The following PMFBP1 variants were observed in gnomAD, a reference collection of about 807,000 sequenced individuals.
PMFBP1 encodes polyamine-modulated factor 1-binding protein 1.
A neutral mutation model predicts 137.8 loss-of-function variants in PMFBP1; 131 were observed. The ratio of observed to expected loss-of-function variants is 0.95; its 90% CI spans 0.82 to 1.10. The LOEUF (loss-of-function observed/expected upper bound fraction) is 1.10. Among genes scored for constraint, PMFBP1 ranks in the 50% least tolerant of loss-of-function variants. The pLI is 0.00. For missense variants in PMFBP1, 1,199 were observed against 1,175.4 expected, an observed-to-expected ratio of 1.02 and a Z score of -0.29; for synonymous variants, 490 against 450.4, an observed-to-expected ratio of 1.09 and a Z score of -1.11.
At position 72,119,282 on chromosome 16, in the gene PMFBP1, T is replaced by C; in HGVS notation, c.*56A>G. On this transcript the variant is annotated 3_prime_UTR_variant, in exon 21 of 21. Transcript: ENST00000237353. ...TCAAGAGAGAGGGAGGGCTGGGAAC[T>C]CACTGTCCTCTGAAGAAACACCCGT... is the stretch of plus-strand genomic sequence containing the variant. 2 of 1,571,198 alleles carry C rather than the reference T, an allele frequency of 1.3e-6. No homozygotes were observed. The highest frequency in any genetic ancestry group is 1.8e-6 in the Non-Finnish European group (2 of 1,141,190).
upstream of PMFBP1, chr16:72,174,165 A>AT (rs984769744): frequency 6.6e-6 from 1 of 152,202 alleles, no homozygotes; most frequent in Non-Finnish European, 1.5e-5. Context: ...CACCTTGCAG[A>AT]TTCCCAAGAA....
chr16:72,184,113 G>T, the PMFBP1 span, among the ~76,000 whole-genome samples: 2 of 152,032 alleles, frequency 1.3e-5, no homozygotes, highest in African/African-American at 4.8e-5. Context: ...CGGCTCCTTC[G>T]CTTCCTTGGC....
At chr16:72,203,834 G>C in the PMFBP1 span, among the ~76,000 whole-genome samples, 3 of 152,148 alleles carry the variant, frequency 2.0e-5, no homozygotes, top group Non-Finnish European at 2.9e-5. Context: ...CCTTACGACT[G>C]ACCCTTAATC....
chr16:72,123,120 C>T (rs1025682378), intron 18 of PMFBP1, 132 bp from the exon 19 acceptor site: 27 of 765,300 alleles, frequency 3.5e-5, no homozygotes, highest in African/African-American at 6.9e-5. Context: ...CGCATCACCC[C>T]GTCCGCAGAG....
In PMFBP1 at chr16:72,128,431, G is replaced by A. The variant is rs1221714101; in HGVS notation, c.2088+226C>T. The stretch of plus-strand genomic sequence containing the variant: ...TGATGCCAAAGCCCAAATAGCTTGG[G>A]GCTCCACCAGATATGAGATGAGACC... On this transcript the variant is annotated intron_variant, in intron 14 of 20. Transcript: ENST00000237353. 1.1e-5 allele frequency: 16 copies of A among 1,492,646 alleles called. 1 individual carries two copies. The Admixed American group carries it at 1.7e-4, about 16-fold the overall frequency. The allele number at this position is 1,492,646 out of a possible 1,614,324, so 92.5% of individuals were successfully genotyped here.
At chr16:72,213,205 G>A in the PMFBP1 span, among the ~76,000 whole-genome samples, 2 of 150,142 alleles carry the variant, frequency 1.3e-5, no homozygotes, top group African/African-American at 2.5e-5. Flanking sequence ...CCCGGGGGGG[G>A]GTGGGGAAAG....
intron 17 of PMFBP1, 151 bp from the exon 18 acceptor site, chr16:72,123,800 C>A: frequency 1.6e-6 from 1 of 633,502 alleles, no homozygotes; most frequent in Non-Finnish European, 2.7e-6. Flanking sequence ...TGCCACCAGA[C>A]CTCCCCCTCT....
chr16:72,195,006 G>C, the PMFBP1 span, among the ~76,000 whole-genome samples: 1 of 152,326 alleles, frequency 6.6e-6, no homozygotes, highest in African/African-American at 2.4e-5. Context: ...CTGGGGATCT[G>C]CAGGTAAATA....
chr16:72,157,546 C>T (rs1363626918), intron 3 of PMFBP1, among the ~76,000 whole-genome samples: 1 of 151,840 alleles, frequency 6.6e-6, no homozygotes, highest in Non-Finnish European at 1.5e-5. Flanking sequence ...CTGGCTGGAG[C>T]AGAGACAGTA....
intron 10 of PMFBP1, among the ~76,000 whole-genome samples, chr16:72,131,787 C>A (rs1024551544): frequency 2.0e-5 from 3 of 152,124 alleles, no homozygotes; most frequent in Non-Finnish European, 4.4e-5. Context: ...AGGAAGGAAG[C>A]CAAGCTTGGA....
chr16:72,184,527 C>T, the PMFBP1 span, among the ~76,000 whole-genome samples: 1 of 152,196 alleles, frequency 6.6e-6, no homozygotes, highest in Non-Finnish European at 1.5e-5. Flanking sequence ...ATGTAATCTG[C>T]ATAACAGCCC....
chr16:72,209,316 C>G, the PMFBP1 span, among the ~76,000 whole-genome samples: 2 of 152,166 alleles, frequency 1.3e-5, no homozygotes, highest in Non-Finnish European at 2.9e-5. Context: ...ACTGACTTCA[C>G]TGTTTTCTTA....
intron 19 of PMFBP1, among the ~76,000 whole-genome samples, chr16:72,121,814 C>G (rs217172): frequency 1 from 152,328 of 152,328 alleles, 76,164 homozygotes; most frequent in Non-Finnish European, 1. Context: ...ATTTTTTATA[C>G]AGACAGGGCC....
At chr16:72,225,826 G>C in the PMFBP1 span, among the ~76,000 whole-genome samples, 1 of 151,530 alleles carries the variant, frequency 6.6e-6, no homozygotes, top group Non-Finnish European at 1.5e-5. Flanking sequence ...TAGGTGTGTA[G>C]TCACATTTGA....
intron 19 of PMFBP1, among the ~76,000 whole-genome samples, chr16:72,122,402 C>T (rs2042389296): frequency 6.6e-6 from 1 of 152,198 alleles, no homozygotes; most frequent in East Asian, 1.9e-4. Context: ...CATTCTCAAA[C>T]TGGTAACACT....
At chr16:72,128,352 GC>G (rs998286893) in intron 14 of PMFBP1, 2 of 1,313,416 alleles carry the variant, frequency 1.5e-6, no homozygotes, top group African/African-American at 3.0e-5. Context: ...CTAGCAAATT[GC>G]CCCCCAAAAT....
At chr16:72,216,186 T>C in the PMFBP1 span, among the ~76,000 whole-genome samples, 4 of 152,094 alleles carry the variant, frequency 2.6e-5, no homozygotes, top group Non-Finnish European at 2.9e-5. Context: ...CCAGGGGACA[T>C]GGAACTACTG....
At chr16:72,243,165 T>C in the PMFBP1 span, among the ~76,000 whole-genome samples, 2 of 152,228 alleles carry the variant, frequency 1.3e-5, no homozygotes, top group Admixed American at 1.3e-4. Flanking sequence ...AATTGTGTAC[T>C]TAGGTGGATC....
intron 4 of PMFBP1, 31 bp from the exon 5 acceptor site, chr16:72,150,860 C>T (rs778806110): frequency 5.1e-6 from 8 of 1,576,442 alleles, no homozygotes; most frequent in East Asian, 4.5e-5. Flanking sequence ...CCACATTGAG[C>T]CCATGGAAGC....
Sources: gnomAD v4.1 joint callset for allele counts (sites outside exome capture counted in the v4.1 genomes callset) on GRCh38, gnomAD v4.1.1 for gene constraint, MANE v1.5 for transcripts, NCBI Gene and HGNC (gene_info 2026-07-23, HGNC 2026-07-21) for gene names.